A2ML1: variants seen among roughly 807,000 people sequenced by gnomAD.
A2ML1 encodes alpha-2-macroglobulin like 1.
In A2ML1, 161 loss-of-function variants were observed where a neutral mutation model predicts 181.9. The ratio of observed to expected loss-of-function variants is 0.89; its 90% CI spans 0.78 to 1.01. The LOEUF (loss-of-function observed/expected upper bound fraction) is 1.01. Among genes scored for constraint, A2ML1 ranks in the 50% least tolerant of loss-of-function variants. The pLI is 0.00. For synonymous variants in A2ML1, 663 were observed against 666.8 expected (o/e 0.99, Z 0.09); for missense variants, 1,670 against 1,768.1 (o/e 0.94, Z 1.00).
chr12:8,885,355 T>C (rs992785191), intron 7 of A2ML1, among the ~76,000 whole-genome samples: 1 of 152,084 alleles, frequency 6.6e-6, no homozygotes, highest in African/African-American at 2.4e-5. Context: ...AAGGCAGCTG[T>C]CTCTACAAAA....
chr12:8,840,955 GA>G (rs1259241295), intron 10 of A2ML1, among the ~76,000 whole-genome samples: 2 of 143,476 alleles, frequency 1.4e-5, no homozygotes, highest in African/African-American at 5.6e-5. Flanking sequence ...AAGAAGGAAG[GA>G]AGGAAGGAAA....
chr12:8,844,471 C>T (rs758561922), intron 12 of A2ML1, among the ~76,000 whole-genome samples: 27 of 151,972 alleles, frequency 1.8e-4, no homozygotes, highest in African/African-American at 6.3e-4. Context: ...AAATTCACAT[C>T]GATAGCAGCC....
In A2ML1 at chr12:8,869,564, A is replaced by C. The variant is rs555082176; in HGVS notation, c.4221+361A>C. ...CAATTAATATACAGACGTATTAATG[A>C]GATATCTACATTCTTTTTTTTTTTC... On this transcript the variant is annotated intron_variant, in intron 33 of 35. Transcript: ENST00000299698. 3.3e-5 allele frequency among the ~76,000 whole-genome samples: 5 copies of C among 152,236 alleles called. No individual in the cohort carries two copies. In the South Asian group the frequency reaches 1.0e-3, roughly 32 times the overall value.
rs369870120 is a variant in A2ML1, at chr12:8,884,237, T to A, written c.*95-2270T>A. 7.7e-5 allele frequency among the ~76,000 whole-genome samples: 11 copies of A among 143,436 alleles called. No individual in the cohort carries two copies. In the East Asian group the frequency reaches 1.6e-3, roughly 21 times the overall value. The allele number at this position is 143,436 out of a possible 152,430, so 94.1% of individuals were successfully genotyped here. A position where few individuals can be genotyped will look rare whatever the true frequency, so the allele number is the denominator to read the frequency against. ...ATTCTTTTTTTTATTTTTTGTTTTT[T>A]TTTGTTTTGTTTTTTTTTAACTATT... On this transcript the variant is annotated intron_variant and NMD_transcript_variant, in intron 7 of 7. Coordinates refer to the A2ML1 transcript ENST00000537475.
At chr12:8,837,109 C>G (rs1398119270) in intron 7 of A2ML1, among the ~76,000 whole-genome samples, 4 of 152,200 alleles carry the variant, frequency 2.6e-5, no homozygotes, top group East Asian at 1.9e-4. Flanking sequence ...ACCTCTGTCT[C>G]CCAGGTTCAA....
chr12:8,826,085 T>C (rs1475833530), intron 3 of A2ML1, among the ~76,000 whole-genome samples: 2 of 152,220 alleles, frequency 1.3e-5, no homozygotes, highest in African/African-American at 2.4e-5. Context: ...CTTTTATGGT[T>C]CCATAAAAAT....
chr12:8,875,045 G>A (rs889029797), intron 35 of A2ML1, 33 bp downstream of exon 35: 4 of 1,608,080 alleles, frequency 2.5e-6, no homozygotes, highest in Non-Finnish European at 3.4e-6. Context: ...TGGAGTTATG[G>A]GTTAGGGTGG....
chr12:8,869,535 C>T (rs1944548673), intron 33 of A2ML1, among the ~76,000 whole-genome samples: 1 of 151,992 alleles, frequency 6.6e-6, no homozygotes, highest in Non-Finnish European at 1.5e-5. Context: ...TCCATTTTAC[C>T]ATACAATTAA....
chr12:8,856,881 A>C (rs1392863204), intron 23 of A2ML1, among the ~76,000 whole-genome samples: 1 of 148,056 alleles, frequency 6.8e-6, no homozygotes, highest in Non-Finnish European at 1.5e-5. Context: ...TGGTCTTCCC[A>C]GGACACACAG....
Position 8,854,816 on chromosome 12 carries a change from T to C in A2ML1, c.2749T>C (p.Leu917=), listed in dbSNP as rs200462659. ...CCTGGTGGAGAAGACACACAGCTCATTGCTGTGCCCAAAAGGTGGGTGGAC... is the reference window on the plus strand; with the variant it reads ...CCTGGTGGAGAAGACACACAGCTCACTGCTGTGCCCAAAAGGTGGGTGGAC... The part of the protein sequence containing the change: ...GVLVEKTHSS[L]LCPKGKVASE... The change falls in exon 22 of 36, where the codon TTG becomes CTG. Residue 917 remains leucine, a synonymous_variant. Coordinates refer to ENST00000299698, the MANE Select transcript of A2ML1 (RefSeq NM_144670.6). 941 of 1,614,064 alleles carry C rather than the reference T, an allele frequency of 5.8e-4. No individual in the cohort carries two copies. The highest frequency in any genetic ancestry group is 7.6e-4 in the Non-Finnish European group (893 of 1,180,008).
chr12:8,858,076 G>A lies in A2ML1; in HGVS notation c.3238G>A (p.Gly1080Arg). 6.2e-7 allele frequency: 1 copy of A among 1,614,112 alleles called. No homozygotes were observed. The highest frequency in any genetic ancestry group is 8.5e-7 in the Non-Finnish European group (1 of 1,180,018). ...QLPSGCYANV[G>R]NLLHTAMKGG... ...CCCCAGTGGCTGCTATGCCAACGTGGGAAATCTCCTTCACACAGCTATGAA... is the reference window on the plus strand; with the variant it reads ...CCCCAGTGGCTGCTATGCCAACGTGAGAAATCTCCTTCACACAGCTATGAA... The change falls in exon 26 of 36, where the codon GGA becomes AGA. Residue 1080 changes from glycine (G) to arginine (R), a missense_variant. Physicochemically the swap from Gly to Arg is moderately radical, Grantham distance 125. Transcript: ENST00000299698.
At chr12:8,876,867 C>T (rs1395483338), downstream of A2ML1, 1 of 152,140 alleles carries the variant, frequency 6.6e-6, no homozygotes. Context: ...CCAAAACTCA[C>T]AGTTTGGTTT....
chr12:8,877,648 A>G (rs1056510527), downstream of A2ML1, among the ~76,000 whole-genome samples: 2 of 152,186 alleles, frequency 1.3e-5, no homozygotes, highest in African/African-American at 4.8e-5. Flanking sequence ...TACCATCCAC[A>G]CTAGTTAGAA....
At chr12:8,842,716 C>A (rs376055164) in intron 11 of A2ML1, among the ~76,000 whole-genome samples, 1 of 152,244 alleles carries the variant, frequency 6.6e-6, no homozygotes, top group East Asian at 1.9e-4. Context: ...GCTAATTTGA[C>A]TATTTCTTTA....
At chr12:8,829,860 A>T in intron 4 of A2ML1, 81 bp downstream of exon 4, 1 of 1,582,486 alleles carries the variant, frequency 6.3e-7, no homozygotes, top group Non-Finnish European at 8.7e-7. Flanking sequence ...AAGTCCTCTC[A>T]GCCTGGGCGT....
intron 11 of A2ML1, 82 bp from the exon 12 acceptor site, chr12:8,843,052 C>G: frequency 8.0e-7 from 1 of 1,248,476 alleles, no homozygotes; most frequent in South Asian, 1.3e-5. Flanking sequence ...AGAAAGAGCT[C>G]TATTTGAAAA....
At chr12:8,845,665 G>A (rs1943646828) in intron 13 of A2ML1, among the ~76,000 whole-genome samples, 163 bp downstream of exon 13, 1 of 151,884 alleles carries the variant, frequency 6.6e-6, no homozygotes, top group Non-Finnish European at 1.5e-5. Flanking sequence ...GGCTAACATG[G>A]TGAAACCCCG....
At chr12:8,837,663 C>CTT in intron 8 of A2ML1, 97 bp downstream of exon 8, 13 of 1,360,148 alleles carry the variant, frequency 9.6e-6, no homozygotes, top group South Asian at 1.4e-5. Flanking sequence ...GGGCGGATCA[C>CTT]GAGGTCAGGA....
intron 28 of A2ML1, among the ~76,000 whole-genome samples, chr12:8,862,004 C>T (rs1021388144): frequency 2.0e-5 from 3 of 152,052 alleles, no homozygotes; most frequent in African/African-American, 7.2e-5. Flanking sequence ...AGGTGATCCA[C>T]CTGCCTCGGC....
Sources: allele counts gnomAD v4.1 joint callset (sites outside exome capture counted in the v4.1 genomes callset), GRCh38; gene constraint gnomAD v4.1.1; transcripts MANE v1.5; gene names NCBI Gene and HGNC (gene_info 2026-07-23, HGNC 2026-07-21).